Variants in APBA2 observed in about 807,000 individuals in gnomAD.
The protein encoded by APBA2 is amyloid-beta A4 precursor protein-binding family A member 2.
In APBA2, 30 loss-of-function variants were observed where a neutral mutation model predicts 75.0. That is an observed-to-expected ratio of 0.40 (90% CI 0.30 to 0.54). The LOEUF (loss-of-function observed/expected upper bound fraction) is 0.54, where lower values mean the gene tolerates loss of function less well. APBA2 is among the 20% of genes least tolerant of loss of function. APBA2 has a pLI of 0.49. For missense variants in APBA2, 801 were observed against 1,016.1 expected, an observed-to-expected ratio of 0.79 and a Z score of 2.88; for synonymous variants, 444 against 409.6, an observed-to-expected ratio of 1.08 and a Z score of -1.01.
intron 3 of APBA2, among the ~76,000 whole-genome samples, chr15:29,053,292 G>A (rs1208096355): frequency 3.9e-5 from 6 of 152,166 alleles, no homozygotes; most frequent in African/African-American, 1.4e-4. Flanking sequence ...AGCCTGGATG[G>A]TCCCTGCGCA....
chr15:29,092,056 C>G (rs2043599954), intron 6 of APBA2, among the ~76,000 whole-genome samples: 1 of 152,222 alleles, frequency 6.6e-6, no homozygotes, highest in African/African-American at 2.4e-5. Flanking sequence ...CAGAGGTCGG[C>G]TGACTGCAGC....
intron 3 of APBA2, among the ~76,000 whole-genome samples, chr15:29,042,174 A>G (rs540846006): frequency 1.3e-4 from 20 of 152,286 alleles, no homozygotes; most frequent in African/African-American, 4.1e-4. Flanking sequence ...TGTCTCCACA[A>G]TTCCCCTCTT....
chr15:29,108,859 G>A lies in APBA2; in HGVS notation c.2037+470G>A, dbSNP rs562427038. Among the ~76,000 whole-genome samples, 60 of 152,362 alleles carry A rather than the reference G, an allele frequency of 3.9e-4. No homozygotes were observed. The South Asian group carries it at 7.2e-3, about 18-fold the overall frequency. ...AGGCTTTGTACCAGGCAATGGGAAG[G>A]CAGGAGTGCTGCCTGGAGGAGGTGA... On this transcript the variant is annotated intron_variant, in intron 13 of 14. Transcript: ENST00000683413.
rs140178535 is a variant in APBA2 at position 29,039,854 on chromosome 15, G to A, written c.-40-13991G>A. 3.9e-3 allele frequency among the ~76,000 whole-genome samples: 595 copies of A among 152,254 alleles called. 9 individuals carry two copies. Among genetic ancestry groups the A allele is most frequent in the African/African-American group, 0.014 (570 of 41,556 alleles). On this transcript the variant is annotated intron_variant, in intron 3 of 14. Coordinates refer to ENST00000683413, the MANE Select transcript of APBA2 (RefSeq NM_001353788.2). The stretch of plus-strand genomic sequence containing the variant: ...GCCCACTATCGTCCATTCCACTCAC[G>A]GATTAGAACTCAAAACTCTGAACAG...
At chr15:29,083,056 C>T (rs1034791019) in intron 6 of APBA2, among the ~76,000 whole-genome samples, 5 of 150,390 alleles carry the variant, frequency 3.3e-5, no homozygotes, top group Non-Finnish European at 5.9e-5. Flanking sequence ...AGTGAGACAC[C>T]GTCTCAAAAA....
Position 29,105,369 on chromosome 15 carries a change from C to G in APBA2, c.1525-10C>G, listed in dbSNP as rs371310712. The G allele has an allele frequency of 6.8e-6, 11 of 1,609,226 alleles. No homozygotes were observed. The African/African-American group carries it at 1.1e-4, about 16-fold the overall frequency. ...CGTGCCTGTCTCCAGCTGGCCTGCC[C>G]TCTGCACAGGCCCAGCTCATCGCCC... On this transcript the variant is annotated splice_polypyrimidine_tract_variant and intron_variant, in intron 10 of 14. Coordinates refer to ENST00000683413, the MANE Select transcript of APBA2 (RefSeq NM_001353788.2).
chr15:28,959,949 G>A (rs1006297651), intron 2 of APBA2, among the ~76,000 whole-genome samples: 3 of 152,158 alleles, frequency 2.0e-5, no homozygotes, highest in Non-Finnish European at 2.9e-5. Flanking sequence ...TTTGAGAGCA[G>A]CCTGGGCAAC....
intron 3 of APBA2, among the ~76,000 whole-genome samples, chr15:29,033,760 A>G (rs935708210): frequency 3.3e-5 from 5 of 152,084 alleles, no homozygotes; most frequent in African/African-American, 1.2e-4. Flanking sequence ...GGAGATCGAG[A>G]CCATCCTGGC....
chr15:29,107,275 T>C (rs1163739589), intron 12 of APBA2, among the ~76,000 whole-genome samples: 2 of 152,192 alleles, frequency 1.3e-5, no homozygotes, highest in Admixed American at 6.5e-5. Context: ...GAGGCCACCC[T>C]GACCGTCAGA....
intron 4 of APBA2, among the ~76,000 whole-genome samples, chr15:29,066,461 A>G (rs1268185511): frequency 3.3e-5 from 5 of 152,186 alleles, no homozygotes; most frequent in African/African-American, 4.8e-5. Flanking sequence ...TCACAAAAGG[A>G]CAAGTACTGT....
chr15:29,001,675 C>G (rs1442852554), intron 3 of APBA2, among the ~76,000 whole-genome samples: 1 of 152,234 alleles, frequency 6.6e-6, no homozygotes, highest in African/African-American at 2.4e-5. Context: ...AAAGAGAGGA[C>G]AAGGAGCTGG....
At chr15:29,072,649 AGG>A (rs2042676383) in intron 4 of APBA2, among the ~76,000 whole-genome samples, 1 of 152,032 alleles carries the variant, frequency 6.6e-6, no homozygotes, top group African/African-American at 2.4e-5. Flanking sequence ...GCCCTCTTGT[AGG>A]GGGAAGGATG....
Position 29,074,986 on chromosome 15 carries a change from T to C in APBA2, c.1017T>C (p.Asn339=). Residue 339 remains asparagine (N), a synonymous_variant, in exon 5 of 15, where the codon AAT becomes AAC. Coordinates refer to ENST00000683413, the MANE Select transcript of APBA2 (RefSeq NM_001353788.2). The stretch of plus-strand genomic sequence containing the variant: ...CTGATCTCAATGGACCTGTTGACAA[T>C]AACAACATTCCAGAGGTAATTTTTT... The part of the protein sequence containing the change: ...QRSDLNGPVD[N]NNIPETKKVA... 6.2e-7 allele frequency: 1 copy of C among 1,613,868 alleles called. No individual in the cohort carries two copies.
chr15:29,116,061 CT>C (rs2045103688), intron 14 of APBA2, among the ~76,000 whole-genome samples: 2 of 150,428 alleles, frequency 1.3e-5, no homozygotes, highest in Non-Finnish European at 1.5e-5. Flanking sequence ...GTAGAGCTCC[CT>C]TTCCGTTCTT....
intron 4 of APBA2, chr15:29,070,945 A>G: frequency 5.1e-6 from 2 of 393,282 alleles, no homozygotes; most frequent in South Asian, 3.8e-5. Flanking sequence ...TCACAGGGTT[A>G]CGTTTGGGAG....
chr15:28,908,553 C>T (rs1425690293), intron 1 of APBA2, among the ~76,000 whole-genome samples: 1 of 152,092 alleles, frequency 6.6e-6, no homozygotes, highest in Non-Finnish European at 1.5e-5. Flanking sequence ...TCGTGATCCA[C>T]CCGCCTCCGC....
chr15:29,118,178 A>G lies in APBA2; in HGVS notation c.*1045A>G, dbSNP rs1185454861. On this transcript the variant is annotated 3_prime_UTR_variant, in exon 15 of 15. Transcript: ENST00000683413. ...TTTTGGCCCAGGCCTTGAAGAATAC[A>G]CTGTGACTTAAGAAGCCTTACCACG... is the stretch of plus-strand genomic sequence containing the variant. 2 of 152,654 alleles carry G rather than the reference A, an allele frequency of 1.3e-5. No individual in the cohort carries two copies. The highest frequency in any genetic ancestry group is 2.9e-5 in the Non-Finnish European group (2 of 68,052). The allele number at this position is 152,654 out of a possible 1,614,324, so 9.5% of individuals were successfully genotyped here.
In APBA2 at chr15:29,094,333, C is replaced by T. The variant is rs1249869650; in HGVS notation, c.1251+20C>T. 1 of 1,612,846 alleles carries T rather than the reference C, an allele frequency of 6.2e-7. No homozygotes were observed. Among genetic ancestry groups the T allele is most frequent in the African/African-American group, 1.3e-5 (1 of 74,778 alleles). On this transcript the variant is annotated intron_variant, in intron 8 of 14. Coordinates refer to ENST00000683413, the MANE Select transcript of APBA2 (RefSeq NM_001353788.2). ...AAAGCGGTGTGTAGGGCCTTGAGGC[C>T]CTGGGACAGTGTTGTTTGCTTGTGT...
chr15:29,113,873 T>C lies in APBA2; in HGVS notation c.2038-3T>C. On this transcript the variant is annotated splice_region_variant and splice_polypyrimidine_tract_variant and intron_variant, in intron 13 of 14. Coordinates refer to ENST00000683413, the MANE Select transcript of APBA2 (RefSeq NM_001353788.2). ...GTGTGCTGACCTGGCCATGTCTGCT[T>C]AGATCTGCAGCCTCATGAGAGGGGG... is the stretch of plus-strand genomic sequence containing the variant. 1 of 1,610,784 alleles carries C rather than the reference T, an allele frequency of 6.2e-7. No homozygotes were observed. The highest frequency in any genetic ancestry group is 8.5e-7 in the Non-Finnish European group (1 of 1,179,932).
Sources: gnomAD v4.1 joint callset for allele counts (sites outside exome capture counted in the v4.1 genomes callset) on GRCh38, gnomAD v4.1.1 for gene constraint, MANE v1.5 for transcripts, NCBI Gene and HGNC (gene_info 2026-07-23, HGNC 2026-07-21) for gene names.